PRSS55: variants seen among roughly 807,000 people sequenced by gnomAD.
PRSS55 encodes the protein probable serine protease UNQ9391/PRO34284.
In PRSS55, 41 loss-of-function variants were observed where a neutral mutation model predicts 23.6. The observed-to-expected ratio is 1.74, with a 90% confidence interval of 1.35 to 2.26. PRSS55 has a LOEUF of 2.26. Among genes scored for constraint, PRSS55 ranks in the 30% most tolerant of loss-of-function variants. PRSS55 has a pLI of 0.00. For missense variants in PRSS55, 669 were observed against 439.1 expected (o/e 1.52, Z -4.68); for synonymous variants, 262 against 175.5 (o/e 1.49, Z -3.90).
At chr8:10,543,416 CTTTCTTT>C (rs1266718403), downstream of PRSS55, among the ~76,000 whole-genome samples, 1 of 115,170 alleles carries the variant, frequency 8.7e-6, no homozygotes, top group Admixed American at 9.0e-5. Context: ...TTTCTTTCTT[CTTTCTTT>C]CTTCCTTCCT....
At chr8:10,547,790 A>C in intron 4 of PRSS55, among the ~76,000 whole-genome samples, 1 of 112,672 alleles carries the variant, frequency 8.9e-6, no homozygotes, top group Non-Finnish European at 1.7e-5. Flanking sequence ...TTGCTCATTC[A>C]CTCATCAAAC....
In PRSS55 at chr8:10,529,695, C is replaced by T. The variant is rs780391536; in HGVS notation, c.343C>T (p.Leu115=). ...GGCTCACTGCTTATATTCCGAGGAGCTGTTGTAAGTACCATGGGCCTCCCA... is the reference window on the plus strand; with the variant it reads ...GGCTCACTGCTTATATTCCGAGGAGTTGTTGTAAGTACCATGGGCCTCCCA... ...TAAHCLYSEE[L]FPEELSVVLG... is the part of the protein sequence containing the mutation. The change falls in exon 2 of 5, where the codon CTG becomes TTG. Residue 115 remains leucine, a synonymous_variant. Coordinates refer to ENST00000328655, the MANE Select transcript of PRSS55 (RefSeq NM_198464.4). 6 of 1,612,778 alleles carry T rather than the reference C, an allele frequency of 3.7e-6. No individual in the cohort carries two copies. The African/African-American group carries it at 8.0e-5, about 22-fold the overall frequency.
intron 1 of PRSS55, among the ~76,000 whole-genome samples, chr8:10,527,760 T>G (rs1291241400): frequency 1.3e-5 from 2 of 152,184 alleles, no homozygotes; most frequent in Non-Finnish European, 2.9e-5. Flanking sequence ...TGTACGTCAG[T>G]TGTCTCAATT....
chr8:10,527,867 C>A (rs561671784), intron 1 of PRSS55, among the ~76,000 whole-genome samples: 4 of 152,194 alleles, frequency 2.6e-5, no homozygotes, highest in African/African-American at 4.8e-5. Context: ...CAGTGCCTGA[C>A]GCACAGTAAG....
At chr8:10,535,691 G>A (rs969558922) in intron 4 of PRSS55, among the ~76,000 whole-genome samples, 1 of 152,144 alleles carries the variant, frequency 6.6e-6, no homozygotes, top group East Asian at 1.9e-4. Context: ...GTCTCCAAAA[G>A]CAATTGCAAC....
chr8:10,543,481 T>TTTTCTTTCTTTC (rs1563547453), downstream of PRSS55, among the ~76,000 whole-genome samples: 16 of 19,804 alleles, frequency 8.1e-4, no homozygotes, highest in African/African-American at 1.5e-3. Flanking sequence ...TCTTTCTCTC[T>TTTTCTTTCTTTC]TTTTTTTTTT....
In PRSS55 at chr8:10,526,810, C is replaced by G. The variant is rs752834688; in HGVS notation, c.154+1071C>G. ...CCATCCTCTCATTTCATCCACACAT[C>G]AGTCTTATAAAGTTGGCATTATCTT... On this transcript the variant is annotated intron_variant, in intron 1 of 4. Coordinates refer to ENST00000328655, the MANE Select transcript of PRSS55 (RefSeq NM_198464.4). Among the ~76,000 whole-genome samples, 4 of 152,202 alleles carry G rather than the reference C, an allele frequency of 2.6e-5. No homozygotes were observed. In the East Asian group the frequency reaches 7.7e-4, roughly 29 times the overall value.
downstream of PRSS55, among the ~76,000 whole-genome samples, chr8:10,539,174 G>A (rs1812565033): frequency 6.6e-6 from 1 of 152,140 alleles, no homozygotes; most frequent in South Asian, 2.1e-4. Flanking sequence ...ACCCTCAAGA[G>A]GGCTTCTCAG....
intron 4 of PRSS55, among the ~76,000 whole-genome samples, chr8:10,536,144 G>C (rs183716728): frequency 6.6e-6 from 1 of 152,224 alleles, no homozygotes; most frequent in East Asian, 1.9e-4. Flanking sequence ...CCAGACTGCT[G>C]CCACTGCACT....
chr8:10,539,888 C>CT (rs1398731313), downstream of PRSS55, among the ~76,000 whole-genome samples: 7 of 152,204 alleles, frequency 4.6e-5, no homozygotes, highest in Non-Finnish European at 8.8e-5. Flanking sequence ...TCAAAATCAC[C>CT]TTTTTTCCAT....
chr8:10,533,251 C>T (rs1175991180), intron 4 of PRSS55, among the ~76,000 whole-genome samples: 3 of 152,340 alleles, frequency 2.0e-5, no homozygotes, highest in Middle Eastern at 6.8e-3. Context: ...CAATATGCTG[C>T]AACCCTGCTT....
chr8:10,533,055 AG>A lies in PRSS55; in HGVS notation c.741+12del, dbSNP rs758810591. On this transcript the variant is annotated splice_region_variant and intron_variant, in intron 4 of 4. Transcript: ENST00000328655. ...GAGCTATGATGCCTGCAAGGTAACT[AG>A]GGGGTACCCTCCCTCACCTTATAGG... 1.1e-5 allele frequency: 17 copies of A among 1,614,014 alleles called. 1 individual carries two copies. The South Asian group carries it at 1.8e-4, about 17-fold the overall frequency.
intron 2 of PRSS55, among the ~76,000 whole-genome samples, chr8:10,531,013 G>A (rs188027163): frequency 2.4e-4 from 37 of 152,232 alleles, no homozygotes; most frequent in East Asian, 1.4e-3. Flanking sequence ...AACCCAGCTC[G>A]GCCTTTGCTG....
intron 4 of PRSS55, among the ~76,000 whole-genome samples, chr8:10,551,656 G>A (rs1399435782): frequency 6.6e-6 from 1 of 152,234 alleles, no homozygotes; most frequent in Non-Finnish European, 1.5e-5. Context: ...GCCAATGACA[G>A]CGGCTGAAGG....
intron 2 of PRSS55, among the ~76,000 whole-genome samples, chr8:10,529,973 C>T (rs1812191033): frequency 6.6e-6 from 1 of 152,200 alleles, no homozygotes; most frequent in African/African-American, 2.4e-5. Context: ...CTTGATGGAG[C>T]CAAGCGGCTT....
downstream of PRSS55, among the ~76,000 whole-genome samples, chr8:10,542,144 C>G (rs1437609943): frequency 6.6e-6 from 1 of 152,134 alleles, no homozygotes; most frequent in African/African-American, 2.4e-5. Context: ...ATTATCCAGT[C>G]AATTGTGATT....
intron 2 of PRSS55, 125 bp downstream of exon 2, chr8:10,529,824 G>C: frequency 6.3e-6 from 6 of 955,930 alleles, no homozygotes; most frequent in Non-Finnish European, 6.4e-6. Flanking sequence ...GGCATGAATG[G>C]CTCCCACCCA....
At chr8:10,544,638 C>T (rs768721375) in intron 4 of PRSS55, among the ~76,000 whole-genome samples, 16 of 152,130 alleles carry the variant, frequency 1.1e-4, no homozygotes, top group Non-Finnish European at 1.9e-4. Context: ...TCTAGTGTAG[C>T]ATTTTAATTT....
chr8:10,525,805 G>A, intron 1 of PRSS55, 66 bp downstream of exon 1: 12 of 1,493,176 alleles, frequency 8.0e-6, no homozygotes, highest in Non-Finnish European at 1.1e-5. Context: ...TGCCAGGAGG[G>A]TGGATCGCAG....
Sources: gnomAD v4.1 joint callset for allele counts (sites outside exome capture counted in the v4.1 genomes callset) on GRCh38, gnomAD v4.1.1 for gene constraint, MANE v1.5 for transcripts, NCBI Gene and HGNC (gene_info 2026-07-23, HGNC 2026-07-21) for gene names.